Variants in ZNF469 observed in about 807,000 individuals in gnomAD.
ZNF469 encodes zinc finger protein 469.
In ZNF469, 1 loss-of-function variant was observed where a neutral mutation model predicts 1.0. The ratio of observed to expected loss-of-function variants is 1.00; its 90% confidence interval spans 0.35 to 4.73. The LOEUF (loss-of-function observed/expected upper bound fraction) is 4.73. Ranked by LOEUF, ZNF469 falls within the 30% of genes most tolerant of loss-of-function variation. ZNF469 has a pLI of 0.16. For missense variants in ZNF469, 6,100 were observed against 5,356.3 expected (o/e 1.14, Z -4.33); for synonymous variants, 2,703 against 2,363.4 (o/e 1.14, Z -4.17).
the ZNF469 span, among the ~76,000 whole-genome samples, chr16:88,123,465 T>C: frequency 6.6e-6 from 1 of 152,172 alleles, no homozygotes; most frequent in Non-Finnish European, 1.5e-5. Flanking sequence ...CTGCCGTGGA[T>C]GAAGATTTGG....
rs1597211543 is a variant in ZNF469, at chr16:88,434,218, T to C, written c.6748T>C (p.Leu2250=). Residue 2250 remains leucine, a synonymous_variant, in exon 3 of 3, where the codon TTA becomes CTA. Transcript: ENST00000565624. ...HSGDTPKDST[L]RIPEDSRKEK... ...TGGGGACACCCCCAAAGACAGCACTTTAAGAATTCCAGAGGATTCCAGAAA... is the reference window on the plus strand; with the variant it reads ...TGGGGACACCCCCAAAGACAGCACTCTAAGAATTCCAGAGGATTCCAGAAA... 5 of 1,550,318 alleles carry C rather than the reference T, an allele frequency of 3.2e-6. No homozygotes were observed. Among genetic ancestry groups the C allele is most frequent in the Non-Finnish European group, 4.4e-6 (5 of 1,146,954 alleles).
At chr16:88,111,581 G>A in the ZNF469 span, among the ~76,000 whole-genome samples, 1 of 152,152 alleles carries the variant, frequency 6.6e-6, no homozygotes, top group East Asian at 1.9e-4. Flanking sequence ...ATATCCATGA[G>A]TTCAATCGTT....
chr16:88,155,631 A>G, the ZNF469 span, among the ~76,000 whole-genome samples: 1 of 152,254 alleles, frequency 6.6e-6, no homozygotes, highest in African/African-American at 2.4e-5. Context: ...AGTGTGGACC[A>G]GAACCCCATT....
At chr16:88,103,751 C>T in the ZNF469 span, among the ~76,000 whole-genome samples, 2 of 149,172 alleles carry the variant, frequency 1.3e-5, no homozygotes, top group South Asian at 4.2e-4. Context: ...AATAATCCTC[C>T]GTGGCACGGG....
the ZNF469 span, among the ~76,000 whole-genome samples, chr16:88,113,671 C>T: frequency 2.6e-5 from 4 of 152,334 alleles, no homozygotes; most frequent in South Asian, 8.3e-4. Flanking sequence ...TATCGTAGGT[C>T]AGGTCTGGCC....
the ZNF469 span, among the ~76,000 whole-genome samples, chr16:88,119,888 A>G: frequency 6.6e-6 from 1 of 152,272 alleles, no homozygotes; most frequent in East Asian, 1.9e-4. Flanking sequence ...TTGGGACAGG[A>G]TGGTTCAGTC....
the ZNF469 span, among the ~76,000 whole-genome samples, chr16:88,318,674 G>T: frequency 6.6e-6 from 1 of 151,636 alleles, no homozygotes; most frequent in Non-Finnish European, 1.5e-5. Flanking sequence ...GTGCCGTGGG[G>T]AGAGGACAGA....
At chr16:88,224,574 TGAG>T in the ZNF469 span, among the ~76,000 whole-genome samples, 1 of 152,154 alleles carries the variant, frequency 6.6e-6, no homozygotes, top group African/African-American at 2.4e-5. Flanking sequence ...GCTTCTCTGA[TGAG>T]GAGACTGAGG....
the ZNF469 span, among the ~76,000 whole-genome samples, chr16:88,162,675 C>CA: frequency 2.0e-5 from 3 of 150,638 alleles, no homozygotes; most frequent in Admixed American, 1.3e-4. Context: ...TTAGTGCCCC[C>CA]CCCCTTTTAT....
chr16:88,282,272 C>T, the ZNF469 span, among the ~76,000 whole-genome samples: 2 of 152,188 alleles, frequency 1.3e-5, no homozygotes, highest in East Asian at 1.9e-4. Context: ...GGATGGTGGT[C>T]GGAAGGCACC....
chr16:88,147,851 G>A, the ZNF469 span, among the ~76,000 whole-genome samples: 1 of 152,170 alleles, frequency 6.6e-6, no homozygotes, highest in African/African-American at 2.4e-5. Flanking sequence ...GGCAATCTGA[G>A]TGTTGAAGAG....
chr16:88,341,113 C>T, the ZNF469 span, among the ~76,000 whole-genome samples: 2 of 152,336 alleles, frequency 1.3e-5, no homozygotes, highest in Admixed American at 6.5e-5. Flanking sequence ...TCTCTCAGGC[C>T]TTGTGGGCCA....
Position 88,431,980 on chromosome 16 carries a change from C to T in ZNF469, c.4510C>T (p.Leu1504Phe). 5 of 1,549,754 alleles carry T rather than the reference C, an allele frequency of 3.2e-6. No homozygotes were observed. Among genetic ancestry groups the T allele is most frequent in the Non-Finnish European group, 3.5e-6 (4 of 1,146,946 alleles). The stretch of plus-strand genomic sequence containing the variant: ...TCCACCGTACCCCTCTTTTTTGCTG[C>T]TTGAGGAAGTATCCCCGATGCTGCC... Reference protein sequence around the residue: ...SDPPYPSFLLLEEVSPMLPSH... With the variant: ...SDPPYPSFLLFEEVSPMLPSH... The change falls in exon 3 of 3, where the codon CTT (leucine) becomes TTT (phenylalanine). Residue 1504 changes from leucine (L) to phenylalanine (F), a missense_variant. Coordinates refer to ENST00000565624, the MANE Select transcript of ZNF469 (RefSeq NM_001367624.2).
rs1003677220 is a variant in ZNF469 at position 88,437,864 on chromosome 16, C to T, written c.10394C>T (p.Ala3465Val). 6.5e-7 allele frequency: 1 copy of T among 1,538,890 alleles called. No homozygotes were observed. Reference protein sequence around the residue: ...RPGAPGQKARALEGTLPSKRR... With the variant: ...RPGAPGQKARVLEGTLPSKRR... The stretch of plus-strand genomic sequence containing the variant: ...GGAGCGCCGGGACAGAAGGCCCGGG[C>T]CCTCGAGGGCACACTGCCCAGCAAA... The change falls in exon 3 of 3, where the codon GCC (alanine) becomes GTC (valine). Residue 3465 changes from alanine (A) to valine (V), a missense_variant. Physicochemically the swap from Ala to Val is moderately conservative, Grantham distance 64. Coordinates refer to ENST00000565624, the MANE Select transcript of ZNF469 (RefSeq NM_001367624.2).
the ZNF469 span, among the ~76,000 whole-genome samples, chr16:88,312,606 G>A: frequency 8.5e-5 from 13 of 152,120 alleles, no homozygotes; most frequent in African/African-American, 2.2e-4. Flanking sequence ...AAGGCCTTGC[G>A]CATGCTGAAA....
chr16:88,153,517 C>A, the ZNF469 span, among the ~76,000 whole-genome samples: 2 of 152,224 alleles, frequency 1.3e-5, no homozygotes, highest in Non-Finnish European at 2.9e-5. Flanking sequence ...GATGCACCTG[C>A]CCGTCACAGG....
chr16:88,288,376 C>T, the ZNF469 span, among the ~76,000 whole-genome samples: 2 of 152,144 alleles, frequency 1.3e-5, no homozygotes, highest in East Asian at 3.9e-4. Flanking sequence ...GATGGCAGGA[C>T]CTACCTGTTT....
the ZNF469 span, among the ~76,000 whole-genome samples, chr16:88,148,632 C>G: frequency 1.2e-3 from 190 of 152,292 alleles, 3 homozygotes; most frequent in African/African-American, 3.8e-3. Flanking sequence ...GAGGCAAACC[C>G]CCTTCCAGAA....
the ZNF469 span, among the ~76,000 whole-genome samples, chr16:88,372,455 CCAT>C: frequency 6.7e-6 from 1 of 149,958 alleles, no homozygotes; most frequent in South Asian, 2.1e-4. Context: ...ACCATCATCA[CCAT>C]CACTACCATT....
Sources: gnomAD v4.1 joint callset for allele counts (sites outside exome capture counted in the v4.1 genomes callset) on GRCh38, gnomAD v4.1.1 for gene constraint, MANE v1.5 for transcripts, NCBI Gene and HGNC (gene_info 2026-07-23, HGNC 2026-07-21) for gene names.